Variants in TIAM1 observed in about 807,000 individuals in gnomAD.
TIAM1 encodes TIAM Rac1 associated GEF 1.
Under a neutral mutation model 163.5 loss-of-function variants are expected in TIAM1, and 65 were observed. The observed-to-expected ratio is 0.40, with a 90% confidence interval of 0.33 to 0.49. The LOEUF is 0.49. Among genes scored for constraint, TIAM1 ranks in the 20% least tolerant of loss-of-function variants. The probability of loss-of-function intolerance (pLI) is 0.77; values close to 1 mark genes in which losing one functional copy is unlikely to be tolerated. For synonymous variants in TIAM1, 833 were observed against 810.1 expected, an observed-to-expected ratio of 1.03 and a Z score of -0.48; for missense variants, 1,789 against 2,044.7, an observed-to-expected ratio of 0.87 and a Z score of 2.41.
At position 31,397,684 on chromosome 21, in the gene TIAM1, T is replaced by C. The variant is rs2077096504; in HGVS notation, c.-368-58262A>G. Among the ~76,000 whole-genome samples the C allele has an allele frequency of 3.9e-5, 6 of 152,248 alleles. No individual in the cohort carries two copies. The South Asian group carries it at 1.2e-3, about 32-fold the overall frequency. On this transcript the variant is annotated intron_variant, in intron 2 of 28. Transcript: ENST00000286827. ...CCAACACGTTATGATCCAAATCTGT[T>C]AGGGGGAGTCTTCCCAGTCAAAGGC...
intron 6 of TIAM1, among the ~76,000 whole-genome samples, chr21:31,226,442 G>A (rs2087976058): frequency 6.6e-6 from 1 of 152,182 alleles, no homozygotes; most frequent in Non-Finnish European, 1.5e-5. Flanking sequence ...ACAGAACTAG[G>A]GTTGGGGAAG....
chr21:31,138,166 C>T (rs933244171), intron 22 of TIAM1, among the ~76,000 whole-genome samples: 22 of 152,132 alleles, frequency 1.4e-4, no homozygotes, highest in African/African-American at 4.8e-4. Context: ...TTTTTAAGGA[C>T]TTCTTTTAAG....
intron 2 of TIAM1, among the ~76,000 whole-genome samples, chr21:31,397,714 C>T (rs2077096879): frequency 6.6e-6 from 1 of 152,184 alleles, no homozygotes; most frequent in African/African-American, 2.4e-5. Flanking sequence ...AAAGGCAGCT[C>T]TGTGTAAAAC....
intron 2 of TIAM1, among the ~76,000 whole-genome samples, chr21:31,423,466 T>C (rs879294849): frequency 2.6e-5 from 4 of 151,968 alleles, no homozygotes; most frequent in Non-Finnish European, 4.4e-5. Context: ...GCCCCATCAT[T>C]ATACACATTC....
intron 2 of TIAM1, among the ~76,000 whole-genome samples, chr21:31,371,581 AC>A: frequency 6.6e-6 from 1 of 152,340 alleles, no homozygotes; most frequent in South Asian, 2.1e-4. Flanking sequence ...AACAAGAGCA[AC>A]GTTTCTCTAG....
chr21:31,499,888 C>G (rs537465351), intron 1 of TIAM1, among the ~76,000 whole-genome samples: 2 of 149,592 alleles, frequency 1.3e-5, no homozygotes, highest in Non-Finnish European at 3.0e-5. Context: ...AAAAAAACAG[C>G]TGGATGCAGT....
At chr21:31,426,947 C>T (rs1033340663) in intron 2 of TIAM1, among the ~76,000 whole-genome samples, 3 of 151,986 alleles carry the variant, frequency 2.0e-5, no homozygotes, top group Admixed American at 2.0e-4. Context: ...CTTTTTTATA[C>T]ATAGTGTTTG....
chr21:31,165,215 T>C (rs1198395819), intron 15 of TIAM1, 150 bp from the exon 16 acceptor site: 1 of 604,704 alleles, frequency 1.7e-6, no homozygotes, highest in Non-Finnish European at 2.9e-6. Context: ...CTGGGCTCAA[T>C]CAAATTAAAA....
intron 1 of TIAM1, among the ~76,000 whole-genome samples, chr21:31,510,372 G>A (rs963260602): frequency 6.6e-6 from 1 of 152,152 alleles, no homozygotes; most frequent in African/African-American, 2.4e-5. Flanking sequence ...ATGGATTAGA[G>A]CCCACCCTAA....
intron 2 of TIAM1, among the ~76,000 whole-genome samples, chr21:31,459,931 C>T (rs1434735789): frequency 1.3e-5 from 2 of 152,198 alleles, no homozygotes; most frequent in Admixed American, 1.3e-4. Flanking sequence ...CCTGAGGTTC[C>T]ATTATCTTCC....
rs1277743787 is a variant in TIAM1 at position 31,430,222 on chromosome 21, AAAAAT to A, written c.-369+33756_-369+33760del. ...ACTCCATCTCAAAGAAAAAAAAAAA[AAAAAT>A]ATATATATATATATATATATACACA... On this transcript the variant is annotated intron_variant, in intron 2 of 28. Transcript: ENST00000286827. 6.0e-3 allele frequency among the ~76,000 whole-genome samples: 613 copies of A among 101,826 alleles called. 9 individuals carry two copies. Among genetic ancestry groups the A allele is most frequent in the African/African-American group, 0.027 (551 of 20,234 alleles). 66.8% of individuals were successfully genotyped at this position (101,826 alleles called of 152,430 possible).
chr21:31,317,275 A>G (rs894470338), intron 2 of TIAM1, among the ~76,000 whole-genome samples: 1 of 147,176 alleles, frequency 6.8e-6, no homozygotes, highest in Admixed American at 6.8e-5. Flanking sequence ...ACCAACATGG[A>G]AAAACACCGT....
At chr21:31,222,346 C>T (rs2087604738) in intron 8 of TIAM1, among the ~76,000 whole-genome samples, 1 of 152,138 alleles carries the variant, frequency 6.6e-6, no homozygotes, top group Admixed American at 6.5e-5. Flanking sequence ...AACCATGTTA[C>T]TCATACAGCA....
At chr21:31,551,831 G>A (rs1428227732) in intron 1 of TIAM1, among the ~76,000 whole-genome samples, 1 of 152,126 alleles carries the variant, frequency 6.6e-6, no homozygotes, top group Non-Finnish European at 1.5e-5. Context: ...ATAACAGGAA[G>A]CTGAGAATTA....
At chr21:31,380,807 T>C (rs2833390) in intron 2 of TIAM1, among the ~76,000 whole-genome samples, 20,333 of 152,168 alleles carry the variant, frequency 0.13, 1,505 homozygotes, top group Admixed American at 0.22. Flanking sequence ...TAAAGCAGTT[T>C]ATATAGTTAA....
chr21:31,375,102 T>C (rs1159548986), intron 2 of TIAM1, among the ~76,000 whole-genome samples: 1 of 152,238 alleles, frequency 6.6e-6, no homozygotes, highest in East Asian at 1.9e-4. Flanking sequence ...CAGAGAAATA[T>C]ACCCACTTTT....
At chr21:31,227,198 C>T (rs933628932) in intron 6 of TIAM1, among the ~76,000 whole-genome samples, 2 of 152,058 alleles carry the variant, frequency 1.3e-5, no homozygotes, top group East Asian at 1.9e-4. Context: ...CTCAAGTGAT[C>T]CACCCGCCTC....
rs1452796467 is a variant in TIAM1, at chr21:31,119,573, A to T, written c.*795T>A. ...AACCACCACGCCTCACTCTCTCTGTAAAAGGTTATATCCTCATTTTTTAGG... is the reference window on the plus strand; with the variant it reads ...AACCACCACGCCTCACTCTCTCTGTTAAAGGTTATATCCTCATTTTTTAGG... On this transcript the variant is annotated 3_prime_UTR_variant, in exon 28 of 28. Coordinates refer to ENST00000541036, the MANE Select transcript of TIAM1 (RefSeq NM_001353694.2). 2 of 152,620 alleles carry T rather than the reference A, an allele frequency of 1.3e-5. No individual in the cohort carries two copies. The highest frequency in any genetic ancestry group is 2.9e-5 in the Non-Finnish European group (2 of 68,032). The allele number at this position is 152,620 out of a possible 1,614,324, so 9.5% of individuals were successfully genotyped here. A position where few individuals can be genotyped will look rare whatever the true frequency, so the allele number is the denominator to read the frequency against.
At position 31,266,312 on chromosome 21, in the gene TIAM1, G is replaced by C. The variant is rs201729453; in HGVS notation, c.661C>G (p.Arg221Gly). The C allele has an allele frequency of 1.2e-6, 2 of 1,614,058 alleles. No individual in the cohort carries two copies. The highest frequency in any genetic ancestry group is 1.7e-6 in the Non-Finnish European group (2 of 1,180,042). ...ARGMETRASP[R>G]QLSTCQRANS... ...GCTCTCTGACAGGTGCTGAGCTGCC[G>C]CGGACTCGCCCGCGTTTCCATCCCC... Residue 221 changes from arginine to glycine, a missense_variant, in exon 4 of 28, where the codon CGG (arginine) becomes GGG (glycine). Arg to Gly is a moderately radical substitution (Grantham distance 125). This residue lies in a region of TIAM1 where 555 missense variants were observed against 564.9 expected (regional missense o/e 0.98). Transcript: ENST00000541036.
Sources: allele counts gnomAD v4.1 joint callset (sites outside exome capture counted in the v4.1 genomes callset), GRCh38; gene constraint gnomAD v4.1.1; regional missense constraint gnomAD v4.1.1; transcripts MANE v1.5; gene names NCBI Gene and HGNC (gene_info 2026-07-23, HGNC 2026-07-21).